REC114: variants seen among roughly 807,000 people sequenced by gnomAD.
The protein encoded by REC114 is meiotic recombination protein REC114.
Under a neutral mutation model 31.3 loss-of-function variants are expected in REC114, and 27 were observed. The ratio of observed to expected loss-of-function variants is 0.86; its 90% CI spans 0.64 to 1.19. REC114 has a LOEUF of 1.19. Among genes scored for constraint, REC114 ranks in the 50% most tolerant of loss-of-function variants. REC114 has a pLI of 0.00. For synonymous variants in REC114, 134 were observed against 127.7 expected (o/e 1.05, Z -0.33); for missense variants, 344 against 326.9 (o/e 1.05, Z -0.40).
At chr15:73,496,469 A>G (rs1258223192) in intron 2 of REC114, among the ~76,000 whole-genome samples, 2 of 151,774 alleles carry the variant, frequency 1.3e-5, no homozygotes, top group African/African-American at 2.4e-5. Context: ...CCTGGCCAAC[A>G]TGGCAAAACC....
At chr15:73,457,348 A>G (rs1202194151) in intron 1 of REC114, among the ~76,000 whole-genome samples, 1 of 151,930 alleles carries the variant, frequency 6.6e-6, no homozygotes, top group Non-Finnish European at 1.5e-5. Context: ...ACGCATATAT[A>G]TATGTTGATC....
intron 2 of REC114, among the ~76,000 whole-genome samples, chr15:73,496,201 A>G (rs1466936463): frequency 6.6e-6 from 1 of 151,582 alleles, no homozygotes; most frequent in Non-Finnish European, 1.5e-5. Context: ...AAAATACAAA[A>G]ATTAGTTGAG....
At chr15:73,545,418 A>C (rs2141332695) in intron 3 of REC114, among the ~76,000 whole-genome samples, 1 of 152,336 alleles carries the variant, frequency 6.6e-6, no homozygotes, top group Non-Finnish European at 1.5e-5. Flanking sequence ...CCTCTGGTTA[A>C]CCCAGTGGAA....
chr15:73,506,936 A>G (rs779700586), intron 2 of REC114, among the ~76,000 whole-genome samples: 16 of 152,228 alleles, frequency 1.1e-4, no homozygotes, highest in Non-Finnish European at 1.9e-4. Context: ...CCAACTAAAA[A>G]AAATTAAAGT....
intron 2 of REC114, 148 bp from the exon 3 acceptor site, chr15:73,540,337 C>A: frequency 1.4e-6 from 1 of 703,742 alleles, no homozygotes; most frequent in South Asian, 1.6e-5. Context: ...AAGGGTCATC[C>A]TTGGCAACTG....
chr15:73,505,788 T>C (rs1166813973), intron 2 of REC114, among the ~76,000 whole-genome samples: 1 of 152,184 alleles, frequency 6.6e-6, no homozygotes, highest in Non-Finnish European at 1.5e-5. Context: ...TGCCTCGGCC[T>C]CCCAAAGTGC....
intron 1 of REC114, among the ~76,000 whole-genome samples, chr15:73,458,223 C>A (rs1176527558): frequency 1.3e-5 from 2 of 152,126 alleles, no homozygotes; most frequent in Non-Finnish European, 2.9e-5. Flanking sequence ...AACCTTTTTC[C>A]ATTTAATTCT....
chr15:73,489,014 C>T (rs74683991), intron 2 of REC114, among the ~76,000 whole-genome samples: 1 of 152,034 alleles, frequency 6.6e-6, no homozygotes, highest in African/African-American at 2.4e-5. Flanking sequence ...AAATGTATTT[C>T]TTATAGTTCT....
chr15:73,453,740 C>T (rs1892882055), intron 1 of REC114, among the ~76,000 whole-genome samples: 1 of 152,050 alleles, frequency 6.6e-6, no homozygotes, highest in South Asian at 2.1e-4. Context: ...CAATGATAGA[C>T]TGGATAAAGA....
At chr15:73,479,412 C>T (rs1399981195) in intron 2 of REC114, among the ~76,000 whole-genome samples, 3 of 151,572 alleles carry the variant, frequency 2.0e-5, no homozygotes, top group Non-Finnish European at 4.4e-5. Flanking sequence ...ATATCGTTAC[C>T]TCACAATTAC....
At chr15:73,500,728 GTTTTTTT>G (rs58043618) in intron 2 of REC114, among the ~76,000 whole-genome samples, 4 of 103,732 alleles carry the variant, frequency 3.9e-5, no homozygotes, top group Non-Finnish European at 8.6e-5. Context: ...TTCAATTATT[GTTTTTTT>G]TTTTTTTTTT....
At chr15:73,545,961 A>G (rs567637278) in intron 3 of REC114, among the ~76,000 whole-genome samples, 3 of 152,288 alleles carry the variant, frequency 2.0e-5, no homozygotes, top group Non-Finnish European at 2.9e-5. Context: ...ACAAAAGAAG[A>G]TTCATAGTAG....
At chr15:73,550,474 C>A (rs781277677) in intron 3 of REC114, among the ~76,000 whole-genome samples, 1 of 152,158 alleles carries the variant, frequency 6.6e-6, no homozygotes, top group Non-Finnish European at 1.5e-5. Flanking sequence ...TGTCACTCTT[C>A]CCCAGTATTG....
chr15:73,555,191 C>T (rs1486584855), intron 4 of REC114, among the ~76,000 whole-genome samples: 1 of 152,168 alleles, frequency 6.6e-6, no homozygotes, highest in Non-Finnish European at 1.5e-5. Flanking sequence ...CATCTCCTGC[C>T]TTCTGGTAGT....
At chr15:73,508,601 C>T (rs1481010642) in intron 2 of REC114, among the ~76,000 whole-genome samples, 15 of 116,696 alleles carry the variant, frequency 1.3e-4, no homozygotes, top group Non-Finnish European at 2.6e-4. Flanking sequence ...CCCCTCCCCC[C>T]ACCCCACAAC....
intron 1 of REC114, among the ~76,000 whole-genome samples, chr15:73,460,096 T>C (rs1210373116): frequency 6.6e-6 from 1 of 152,212 alleles, no homozygotes; most frequent in African/African-American, 2.4e-5. Flanking sequence ...TCTAAAGCAT[T>C]AGTTTATAAA....
At chr15:73,517,494 C>T (rs927922938) in intron 2 of REC114, among the ~76,000 whole-genome samples, 6 of 152,016 alleles carry the variant, frequency 3.9e-5, no homozygotes, top group Admixed American at 2.0e-4. Flanking sequence ...AAAAACCAAT[C>T]GGACTTAGTG....
chr15:73,540,938 T>C (rs894830321), intron 3 of REC114, among the ~76,000 whole-genome samples: 2 of 152,242 alleles, frequency 1.3e-5, no homozygotes, highest in Admixed American at 1.3e-4. Context: ...TTTTTCTTTT[T>C]AATATTAAAA....
chr15:73,515,876 A>G (rs1893851697), intron 2 of REC114, among the ~76,000 whole-genome samples: 1 of 152,212 alleles, frequency 6.6e-6, no homozygotes, highest in Non-Finnish European at 1.5e-5. Context: ...GATATGGGCT[A>G]ACTTTTATGA....
Sources: allele counts gnomAD v4.1 joint callset (sites outside exome capture counted in the v4.1 genomes callset), GRCh38; gene constraint gnomAD v4.1.1; transcripts MANE v1.5; gene names NCBI Gene and HGNC (gene_info 2026-07-23, HGNC 2026-07-21).